Variants in APBA2 observed in about 807,000 individuals in gnomAD.
APBA2 encodes the protein amyloid-beta A4 precursor protein-binding family A member 2.
APBA2 carries 30 observed loss-of-function variants against 75.0 expected under a neutral mutation model. The ratio of observed to expected loss-of-function variants is 0.40; its 90% CI spans 0.30 to 0.54. The LOEUF (loss-of-function observed/expected upper bound fraction) is 0.54, where lower values mean the gene tolerates loss of function less well. Ranked by LOEUF, APBA2 falls within the 20% of genes least tolerant of loss-of-function variation. The pLI is 0.49. For synonymous variants in APBA2, 444 were observed against 409.6 expected, an observed-to-expected ratio of 1.08 and a Z score of -1.01; for missense variants, 801 against 1,016.1, an observed-to-expected ratio of 0.79 and a Z score of 2.88.
chr15:29,027,006 A>G (rs947145699), intron 3 of APBA2, among the ~76,000 whole-genome samples: 2 of 152,268 alleles, frequency 1.3e-5, no homozygotes, highest in East Asian at 3.8e-4. Context: ...AGCCAATTTT[A>G]ATGGTATGAT....
At chr15:29,116,545 A>G (rs1032758865) in intron 14 of APBA2, among the ~76,000 whole-genome samples, 2 of 151,238 alleles carry the variant, frequency 1.3e-5, no homozygotes, top group Admixed American at 1.3e-4. Flanking sequence ...GGAGAATGAC[A>G]TGAACCCGGG....
chr15:29,066,442 A>G (rs890505779), intron 4 of APBA2, among the ~76,000 whole-genome samples: 4 of 152,232 alleles, frequency 2.6e-5, no homozygotes, highest in African/African-American at 9.6e-5. Flanking sequence ...GCTAAGTGCA[A>G]TGAGCCAGTC....
chr15:29,014,214 C>A (rs2039545558), intron 3 of APBA2, among the ~76,000 whole-genome samples: 1 of 152,328 alleles, frequency 6.6e-6, no homozygotes. Context: ...ATGCAGCTCA[C>A]ATATTTCAGA....
chr15:29,076,688 C>A (rs1373452674), intron 6 of APBA2, among the ~76,000 whole-genome samples: 1 of 152,116 alleles, frequency 6.6e-6, no homozygotes, highest in African/African-American at 2.4e-5. Context: ...GAGTAAAGAG[C>A]TTGTTCGGCA....
At chr15:29,073,163 G>A (rs1407895528) in intron 4 of APBA2, among the ~76,000 whole-genome samples, 1 of 152,190 alleles carries the variant, frequency 6.6e-6, no homozygotes, top group Non-Finnish European at 1.5e-5. Context: ...TTCCATCAAA[G>A]AGCAAGACAC....
At chr15:29,014,669 C>T (rs2039565602) in intron 3 of APBA2, among the ~76,000 whole-genome samples, 1 of 150,960 alleles carries the variant, frequency 6.6e-6, no homozygotes, top group South Asian at 2.1e-4. Flanking sequence ...GATCTGAGCT[C>T]ACCCGTCTGC....
At chr15:29,023,874 A>G (rs1036747929) in intron 3 of APBA2, among the ~76,000 whole-genome samples, 1 of 149,722 alleles carries the variant, frequency 6.7e-6, no homozygotes, top group Non-Finnish European at 1.5e-5. Context: ...TTAGCATTTT[A>G]TTATATTTGC....
At chr15:28,998,368 G>A (rs557477657) in intron 3 of APBA2, among the ~76,000 whole-genome samples, 1 of 152,216 alleles carries the variant, frequency 6.6e-6, no homozygotes, top group East Asian at 1.9e-4. Flanking sequence ...ATCACGGCAA[G>A]TCTCAGAACA....
At chr15:29,048,203 C>T (rs561257283) in intron 3 of APBA2, among the ~76,000 whole-genome samples, 2 of 152,218 alleles carry the variant, frequency 1.3e-5, no homozygotes, top group East Asian at 1.9e-4. Flanking sequence ...AAAAATTAGC[C>T]GGAGGGTGAT....
At chr15:28,969,081 C>T (rs1019953741) in intron 2 of APBA2, among the ~76,000 whole-genome samples, 25 of 149,738 alleles carry the variant, frequency 1.7e-4, no homozygotes, top group African/African-American at 5.8e-4. Context: ...GATCAGTCTG[C>T]GCAACATAGG....
chr15:29,042,679 C>T (rs2041109976), intron 3 of APBA2, among the ~76,000 whole-genome samples: 1 of 152,126 alleles, frequency 6.6e-6, no homozygotes, highest in Non-Finnish European at 1.5e-5. Flanking sequence ...TAAATCTACA[C>T]AGTACTGTAT....
chr15:28,904,202 G>T (rs549098950), intron 1 of APBA2, among the ~76,000 whole-genome samples: 2 of 152,108 alleles, frequency 1.3e-5, no homozygotes, highest in Non-Finnish European at 1.5e-5. Context: ...TCCACCCGCC[G>T]GGGGCCCTCC....
At chr15:28,986,591 C>T (rs888588848) in intron 2 of APBA2, among the ~76,000 whole-genome samples, 1 of 152,064 alleles carries the variant, frequency 6.6e-6, no homozygotes, top group Non-Finnish European at 1.5e-5. Flanking sequence ...CTCTGCCTCC[C>T]TAGTAGCTGG....
chr15:29,112,070 T>C (rs780545933), intron 13 of APBA2, among the ~76,000 whole-genome samples: 2 of 152,166 alleles, frequency 1.3e-5, no homozygotes, highest in Non-Finnish European at 2.9e-5. Flanking sequence ...ATCCCCACCA[T>C]GCCCAGTGAA....
At chr15:29,020,489 T>C (rs2039895464) in intron 3 of APBA2, among the ~76,000 whole-genome samples, 1 of 152,002 alleles carries the variant, frequency 6.6e-6, no homozygotes, top group Non-Finnish European at 1.5e-5. Context: ...TTTTTTCCAG[T>C]GACTTTTTTA....
chr15:28,922,355 A>G (rs1392633913), intron 2 of APBA2, among the ~76,000 whole-genome samples: 1 of 152,220 alleles, frequency 6.6e-6, no homozygotes, highest in East Asian at 1.9e-4. Context: ...GGGCAGCAGC[A>G]GGGCAGCCCA....
chr15:28,971,971 A>G (rs2037092967), intron 2 of APBA2, among the ~76,000 whole-genome samples: 1 of 152,232 alleles, frequency 6.6e-6, no homozygotes, highest in Non-Finnish European at 1.5e-5. Flanking sequence ...AAATGTAAGT[A>G]ATAGGCAATT....
chr15:29,083,622 C>A (rs1436178803), intron 6 of APBA2, among the ~76,000 whole-genome samples: 2 of 152,132 alleles, frequency 1.3e-5, no homozygotes, highest in Admixed American at 1.3e-4. Context: ...CCTTCGCCTT[C>A]TGGGTTCAAG....
At chr15:29,015,172 G>A (rs1050504755) in intron 3 of APBA2, among the ~76,000 whole-genome samples, 5 of 152,108 alleles carry the variant, frequency 3.3e-5, no homozygotes, top group Admixed American at 2.6e-4. Flanking sequence ...TGGGATCCAC[G>A]TTGCTTGGCC....
Sources: gnomAD v4.1 joint callset for allele counts (sites outside exome capture counted in the v4.1 genomes callset) on GRCh38, gnomAD v4.1.1 for gene constraint, MANE v1.5 for transcripts, NCBI Gene and HGNC (gene_info 2026-07-23, HGNC 2026-07-21) for gene names.